The following KIF18B variants were observed in gnomAD, a reference collection of about 807,000 sequenced individuals.
KIF18B encodes kinesin family member 18B, also known as kinesin-like protein KIF18B.
Under a neutral mutation model 80.9 loss-of-function variants are expected in KIF18B, and 49 were observed. The ratio of observed to expected loss-of-function variants is 0.61; its 90% CI spans 0.48 to 0.77. The LOEUF is 0.77. Among genes scored for constraint, KIF18B ranks in the 30% least tolerant of loss-of-function variants. The pLI is 0.00. For missense variants in KIF18B, 994 were observed against 1,127.7 expected, an observed-to-expected ratio of 0.88 and a Z score of 1.70; for synonymous variants, 439 against 463.9, an observed-to-expected ratio of 0.95 and a Z score of 0.69.
chr17:44,932,266 G>A (rs1340299415), intron 9 of KIF18B, 60 bp from the exon 10 acceptor site: 1 of 1,520,106 alleles, frequency 6.6e-7, no homozygotes, highest in Admixed American at 2.0e-5. Flanking sequence ...GAGGGTTTGA[G>A]AGGCAGGATG....
Position 44,936,109 on chromosome 17 carries a change from G to A in KIF18B, c.236C>T (p.Ala79Val), listed in dbSNP as rs751146669. 1.4e-5 allele frequency: 22 copies of A among 1,613,792 alleles called. No homozygotes were observed. The highest frequency in any genetic ancestry group is 2.2e-5 in the South Asian group (2 of 91,078). Residue 79 changes from alanine to valine, a missense_variant, in exon 2 of 16, where the codon GCG becomes GTG. Physicochemically the swap from Ala to Val is moderately conservative, Grantham distance 64. Transcript: ENST00000593135. ...CTGGAACACGTCCTGTTGGGTGGCC[G>A]CCTCGCCAAAGACCCGGTCAAAGAC... ...TFVFDRVFGE[A>V]ATQQDVFQHT...
At chr17:44,929,110 C>T (rs1187912903) in intron 11 of KIF18B, 86 bp from the exon 12 acceptor site, 3 of 1,222,580 alleles carry the variant, frequency 2.5e-6, no homozygotes, top group African/African-American at 1.5e-5. Flanking sequence ...CCTCATCACT[C>T]CAGCTGTGGT....
chr17:44,928,779 C>T lies in KIF18B; in HGVS notation c.1723+40G>A, dbSNP rs758391211. The T allele has an allele frequency of 5.6e-6, 9 of 1,593,030 alleles. No homozygotes were observed. The South Asian group carries it at 8.9e-5, about 16-fold the overall frequency. On this transcript the variant is annotated intron_variant, in intron 12 of 15. Coordinates refer to ENST00000593135, the MANE Select transcript of KIF18B (RefSeq NM_001265577.2). The stretch of plus-strand genomic sequence containing the variant: ...GGCCCCAGTGGGGCCTTGAAGACAG[C>T]ACCTTGAAGACAGGCAGGGGAGAGC...
chr17:44,939,852 G>T (rs983966242), intron 1 of KIF18B, among the ~76,000 whole-genome samples: 2 of 151,420 alleles, frequency 1.3e-5, no homozygotes, highest in African/African-American at 4.9e-5. Context: ...TCTCGCTATC[G>T]CCCAGGCTGG....
chr17:44,946,110 G>A (rs2052508615), intron 1 of KIF18B, among the ~76,000 whole-genome samples: 2 of 151,604 alleles, frequency 1.3e-5, no homozygotes, highest in Admixed American at 6.6e-5. Context: ...AATTGCTTAT[G>A]TAAAAAGATT....
chr17:44,926,963 G>A (rs1477926249), intron 14 of KIF18B, 26 bp downstream of exon 14: 1 of 1,583,196 alleles, frequency 6.3e-7, no homozygotes, highest in East Asian at 2.3e-5. Context: ...CCTTCTCCCA[G>A]ACAGCTGACA....
In KIF18B at chr17:44,936,023, G is replaced by C; in HGVS notation, c.313+9C>G. On this transcript the variant is annotated intron_variant, in intron 2 of 15. Coordinates refer to ENST00000593135, the MANE Select transcript of KIF18B (RefSeq NM_001265577.2). ...CCAGGCCACTGCCAGGCAGGGCTGA[G>C]GTTCTCACCTGAGCAGTTGTAGCCC... The C allele has an allele frequency of 3.1e-6, 5 of 1,612,710 alleles. No individual in the cohort carries two copies. Among genetic ancestry groups the C allele is most frequent in the Non-Finnish European group, 4.2e-6 (5 of 1,179,194 alleles).
chr17:44,940,705 AG>A (rs2052400343), intron 1 of KIF18B, among the ~76,000 whole-genome samples: 1 of 152,184 alleles, frequency 6.6e-6, no homozygotes, highest in African/African-American at 2.4e-5. Context: ...GGTAAAGACT[AG>A]CTTCCACTGG....
In KIF18B at chr17:44,935,322, C is replaced by G; in HGVS notation, c.408G>C (p.Leu136=). 6.2e-7 allele frequency: 1 copy of G among 1,613,302 alleles called. No homozygotes were observed. Among genetic ancestry groups the G allele is most frequent in the Non-Finnish European group, 8.5e-7 (1 of 1,179,508 alleles). Residue 136 remains leucine (L), a synonymous_variant, in exon 3 of 16, where the codon CTG becomes CTC. Transcript: ENST00000593135. The part of the protein sequence containing the change: ...PGIMYLTTVE[L]YRRLEARQQE... ...GCTGGCGGGCCTCCAGGCGCCTGTA[C>G]AGTTCCACGGTGGTCAGGTACATGA...
rs1191945443 is a variant in KIF18B at position 44,936,571 on chromosome 17, T to A, written c.-14-213A>T. On this transcript the variant is annotated intron_variant, in intron 1 of 15. Coordinates refer to ENST00000593135, the MANE Select transcript of KIF18B (RefSeq NM_001265577.2). ...ACTCAAATGACTCTCTCTCTCTCTCTCTCTCTCTCTCTCTCTCTCTCTCTC... is the reference window on the plus strand; with the variant it reads ...ACTCAAATGACTCTCTCTCTCTCTCACTCTCTCTCTCTCTCTCTCTCTCTC... 4.0e-3 allele frequency among the ~76,000 whole-genome samples: 209 copies of A among 51,696 alleles called. 5 individuals carry two copies. Among genetic ancestry groups the A allele is most frequent in the African/African-American group, 8.6e-3 (118 of 13,772 alleles). The allele number at this position is 51,696 out of a possible 152,430, so 33.9% of individuals were successfully genotyped here.
rs751795249 is a variant in KIF18B, at chr17:44,932,969, G to C, written c.1080C>G (p.Thr360=). Reference sequence around the variant, plus strand: ...ACTGGCTGATGTGACAGTCCAGGCTGGTCACATTGCTCTTCAGCTGAGATG... The same window carrying C: ...ACTGGCTGATGTGACAGTCCAGGCTCGTCACATTGCTCTTCAGCTGAGATG... ...EIRLSLKSNV[T]SLDCHISQYA... is the part of the protein sequence containing the mutation. The change falls in exon 8 of 16, where the codon ACC becomes ACG. Residue 360 remains threonine, a synonymous_variant. Transcript: ENST00000593135. The C allele has an allele frequency of 1.5e-5, 24 of 1,605,144 alleles. No homozygotes were observed. The highest frequency in any genetic ancestry group is 1.9e-5 in the Non-Finnish European group (22 of 1,172,736).
At chr17:44,941,558 C>T (rs537852020) in intron 1 of KIF18B, among the ~76,000 whole-genome samples, 24 of 152,082 alleles carry the variant, frequency 1.6e-4, no homozygotes, top group African/African-American at 4.3e-4. Context: ...AGGCTGGTCT[C>T]GCACCCCTGA....
In KIF18B at chr17:44,936,124, C is replaced by A; in HGVS notation, c.221G>T (p.Arg74Leu). The A allele has an allele frequency of 6.2e-7, 1 of 1,613,842 alleles. No individual in the cohort carries two copies. The highest frequency in any genetic ancestry group is 1.1e-5 in the South Asian group (1 of 91,078). ...KGKDLTFVFD[R>L]VFGEAATQQD... The stretch of plus-strand genomic sequence containing the variant: ...TTGGGTGGCCGCCTCGCCAAAGACC[C>A]GGTCAAAGACAAACGTCAGGTCTTT... The change falls in exon 2 of 16, where the codon CGG (arginine) becomes CTG (leucine). Residue 74 changes from arginine to leucine, a missense_variant. Transcript: ENST00000593135.
At position 44,934,216 on chromosome 17, in the gene KIF18B, G is replaced by A. The variant is rs749634591; in HGVS notation, c.885+17C>T. The A allele has an allele frequency of 5.6e-6, 9 of 1,603,660 alleles. No individual in the cohort carries two copies. In the East Asian group the frequency reaches 1.1e-4, roughly 20 times the overall value. ...CAGTTGCTATCCTGGGGAGAATACTGGCCTGTGCTGCTTTACCTTTGCATC... is the reference window on the plus strand; with the variant it reads ...CAGTTGCTATCCTGGGGAGAATACTAGCCTGTGCTGCTTTACCTTTGCATC... On this transcript the variant is annotated intron_variant, in intron 6 of 15. Transcript: ENST00000593135. The surrounding 1 kb of genome is among the most constrained non-coding windows in gnomAD (Gnocchi z 5.4).
chr17:44,941,842 G>A (rs2052426414), intron 1 of KIF18B, among the ~76,000 whole-genome samples: 2 of 152,132 alleles, frequency 1.3e-5, no homozygotes, highest in Admixed American at 6.5e-5. Flanking sequence ...ATTAAAAAGG[G>A]CACTGGCAAA....
Position 44,926,560 on chromosome 17 carries a change from C to T in KIF18B, c.2367-61G>A, listed in dbSNP as rs1451861376. ...GCCCTGTCTCTGGACTATGGGTGTG[C>T]ATTGAAGTGGGGCATATAAGTACTT... is the stretch of plus-strand genomic sequence containing the variant. On this transcript the variant is annotated intron_variant, in intron 14 of 15. Coordinates refer to ENST00000593135, the MANE Select transcript of KIF18B (RefSeq NM_001265577.2). The T allele has an allele frequency of 2.6e-5, 38 of 1,447,752 alleles. No homozygotes were observed. The South Asian group carries it at 3.7e-4, about 14-fold the overall frequency. The allele number at this position is 1,447,752 out of a possible 1,614,324, so 89.7% of individuals were successfully genotyped here.
chr17:44,939,065 T>TA lies in KIF18B; in HGVS notation c.-14-2708dup, dbSNP rs200014792. Among the ~76,000 whole-genome samples, 695 of 135,692 alleles carry TA rather than the reference T, an allele frequency of 5.1e-3. 4 individuals are homozygous for TA. The highest frequency in any genetic ancestry group is 0.026 in the Middle Eastern group (5 of 192). The allele number at this position is 135,692 out of a possible 152,430, so 89.0% of individuals were successfully genotyped here. ...ATCTCAAAAAAAAAAATTAATTAAT[T>TA]AAAAAAAAAGGAACATGAATTTGTG... On this transcript the variant is annotated intron_variant, in intron 1 of 15. Transcript: ENST00000593135.
chr17:44,931,501 A>T lies in KIF18B; in HGVS notation c.1517+101T>A, dbSNP rs145391973. 312 of 1,486,140 alleles carry T rather than the reference A, an allele frequency of 2.1e-4. 2 individuals carry two copies. In the East Asian group the frequency reaches 6.0e-3, roughly 29 times the overall value. The allele number at this position is 1,486,140 out of a possible 1,614,324, so 92.1% of individuals were successfully genotyped here. A position where few individuals can be genotyped will look rare whatever the true frequency, so the allele number is the denominator to read the frequency against. On this transcript the variant is annotated intron_variant, in intron 11 of 15. Coordinates refer to ENST00000593135, the MANE Select transcript of KIF18B (RefSeq NM_001265577.2). ...GGTAAAGGACAGTGCTGATGAAGAG[A>T]CAGGGCTTTTGTGATGTGCTTAACA...
In KIF18B at chr17:44,928,456, T is replaced by C. The variant is rs2052078115; in HGVS notation, c.1846A>G (p.Thr616Ala). The C allele has an allele frequency of 6.5e-7, 1 of 1,534,904 alleles. No homozygotes were observed. Among genetic ancestry groups the C allele is most frequent in the African/African-American group, 1.4e-5 (1 of 72,786 alleles). The change falls in exon 13 of 16, where the codon ACC (threonine) becomes GCC (alanine). Residue 616 changes from threonine (T) to alanine (A), a missense_variant. Coordinates refer to ENST00000593135, the MANE Select transcript of KIF18B (RefSeq NM_001265577.2). ...GGCCATCGGGACCCCTGGGCTGGGG[T>C]GCAGTTGGGTCCAGGCGGGATTCCC... is the stretch of plus-strand genomic sequence containing the variant. Reference protein sequence around the residue: ...TLGIPPGPNCTPAQGSRWPME... With the variant: ...TLGIPPGPNCAPAQGSRWPME...
Sources: gnomAD v4.1 joint callset for allele counts (sites outside exome capture counted in the v4.1 genomes callset) on GRCh38, gnomAD v4.1.1 for gene constraint, Gnocchi (gnomAD v3.1) non-coding constraint, MANE v1.5 for transcripts, NCBI Gene and HGNC (gene_info 2026-07-23, HGNC 2026-07-21) for gene names.